The following ZHX3 variants were observed in gnomAD, a reference collection of about 807,000 sequenced individuals.
The protein encoded by ZHX3 is zinc fingers and homeoboxes protein 3.
In ZHX3, 20 loss-of-function variants were observed where a neutral mutation model predicts 64.5. The ratio of observed to expected loss-of-function variants is 0.31; its 90% CI spans 0.22 to 0.45. ZHX3 has a LOEUF of 0.45. Among genes scored for constraint, ZHX3 ranks in the 20% least tolerant of loss-of-function variants. The pLI is 1.00. For missense variants in ZHX3, 1,041 were observed against 1,195.8 expected (o/e 0.87, Z 1.91); for synonymous variants, 423 against 461.6 (o/e 0.92, Z 1.07).
chr20:41,211,019 A>G (rs1240706110), intron 2 of ZHX3, among the ~76,000 whole-genome samples: 1 of 152,174 alleles, frequency 6.6e-6, no homozygotes, highest in Admixed American at 6.5e-5. Flanking sequence ...TTGACTTCAC[A>G]CTTTTAAAAT....
rs1163240077 is a variant in ZHX3, at chr20:41,232,135, C to T, written c.-150-27069G>A. ...GAAAATGAGATTTATGGGTAATGGCCACAGAAACGAAGACAATTTTGCCTA... is the reference window on the plus strand; with the variant it reads ...GAAAATGAGATTTATGGGTAATGGCTACAGAAACGAAGACAATTTTGCCTA... On this transcript the variant is annotated intron_variant, in intron 2 of 3. Coordinates refer to ENST00000683867, the MANE Select transcript of ZHX3 (RefSeq NM_001384317.1). The surrounding 1 kb of genome is among the most constrained non-coding windows in gnomAD (Gnocchi z 5.0). Among the ~76,000 whole-genome samples the T allele has an allele frequency of 1.3e-5, 2 of 151,954 alleles. No homozygotes were observed. The highest frequency in any genetic ancestry group is 2.4e-5 in the African/African-American group (1 of 41,352).
At chr20:41,210,487 C>CA (rs1405406010) in intron 2 of ZHX3, among the ~76,000 whole-genome samples, 2 of 152,118 alleles carry the variant, frequency 1.3e-5, no homozygotes, top group Non-Finnish European at 1.5e-5. Context: ...GAAAATGTGG[C>CA]ACATATACAC....
At chr20:41,264,804 T>G (rs977482491) in intron 2 of ZHX3, among the ~76,000 whole-genome samples, 1 of 152,018 alleles carries the variant, frequency 6.6e-6, no homozygotes, top group Non-Finnish European at 1.5e-5. Flanking sequence ...GAATAGTAAA[T>G]AGAACCTAGA....
At position 41,302,046 on chromosome 20, in the gene ZHX3, T is replaced by A. The variant is rs1410889726; in HGVS notation, c.-245+15463A>T. On this transcript the variant is annotated intron_variant, in intron 1 of 3. Coordinates refer to ENST00000683867, the MANE Select transcript of ZHX3 (RefSeq NM_001384317.1). ...TCCAGCCTGGGCGACGGAGCGAGACTCCATCTCAAAAAAAAAAAAAAAAAA... is the reference window on the plus strand; with the variant it reads ...TCCAGCCTGGGCGACGGAGCGAGACACCATCTCAAAAAAAAAAAAAAAAAA... Among the ~76,000 whole-genome samples the A allele has an allele frequency of 1.0e-4, 9 of 87,434 alleles. No homozygotes were observed. In the Admixed American group the frequency reaches 1.4e-3, roughly 14 times the overall value. The allele number at this position is 87,434 out of a possible 152,430, so 57.4% of individuals were successfully genotyped here. A position where few individuals can be genotyped will look rare whatever the true frequency, so the allele number is the denominator to read the frequency against.
rs540223276 is a variant in ZHX3 at position 41,237,761 on chromosome 20, A to T, written c.-151+31229T>A. ...GTACCCTAAAACTTAAAGTATAATTAAAAAAATAAAATAAAATAAAGAAAA... is the reference window on the plus strand; with the variant it reads ...GTACCCTAAAACTTAAAGTATAATTTAAAAAATAAAATAAAATAAAGAAAA... On this transcript the variant is annotated intron_variant, in intron 2 of 3. Coordinates refer to ENST00000683867, the MANE Select transcript of ZHX3 (RefSeq NM_001384317.1). Among the ~76,000 whole-genome samples, 97 of 152,326 alleles carry T rather than the reference A, an allele frequency of 6.4e-4. 1 individual carries two copies. Among genetic ancestry groups the T allele is most frequent in the East Asian group, 4.8e-3 (25 of 5,192 alleles).
chr20:41,290,849 A>C (rs1178653208), intron 1 of ZHX3, among the ~76,000 whole-genome samples: 1 of 152,128 alleles, frequency 6.6e-6, no homozygotes, highest in Non-Finnish European at 1.5e-5. Flanking sequence ...GGACTCAGTT[A>C]ATTAGTTACC....
chr20:41,227,819 G>A (rs2040366073), intron 2 of ZHX3, among the ~76,000 whole-genome samples: 1 of 152,002 alleles, frequency 6.6e-6, no homozygotes, highest in Non-Finnish European at 1.5e-5. Flanking sequence ...TGACACACTT[G>A]GACAAGAAAA....
chr20:41,204,381 A>C lies in ZHX3; in HGVS notation c.536T>G (p.Ile179Ser). Reference protein sequence around the residue: ...SAEGADGQAEIIITKTPIMKI... With the variant: ...SAEGADGQAESIITKTPIMKI... ...CATGATTGGAGTTTTGGTAATGATG[A>C]TTTCTGCCTGTCCATCAGCCCCTTC... The change falls in exon 3 of 4, where the codon ATC becomes AGC. Residue 179 changes from isoleucine (I) to serine (S), a missense_variant. Physicochemically the swap from Ile to Ser is moderately radical, Grantham distance 142 (BLOSUM62 -2). Around this residue, in one of 4 missense-constraint regions of ZHX3, gnomAD observed 358 missense variants for 369.1 expected, o/e 0.97. Transcript: ENST00000683867. This position sits in a 1 kb window ranked among gnomAD's most constrained non-coding sequence, Gnocchi z 6.6. 1 of 1,614,054 alleles carries C rather than the reference A, an allele frequency of 6.2e-7. No individual in the cohort carries two copies. Among genetic ancestry groups the C allele is most frequent in the Non-Finnish European group, 8.5e-7 (1 of 1,180,016 alleles).
At chr20:41,288,918 G>A (rs760898700) in intron 1 of ZHX3, among the ~76,000 whole-genome samples, 5 of 151,916 alleles carry the variant, frequency 3.3e-5, no homozygotes, top group Non-Finnish European at 5.9e-5. Context: ...ATGTTACATT[G>A]AATAGACATA....
At chr20:41,191,897 G>C (rs967038162) in intron 3 of ZHX3, among the ~76,000 whole-genome samples, 1 of 152,234 alleles carries the variant, frequency 6.6e-6, no homozygotes, top group Non-Finnish European at 1.5e-5. Context: ...GCAGTGGACA[G>C]AGCATGCCTG....
chr20:41,214,922 T>C (rs1226182387), intron 2 of ZHX3, among the ~76,000 whole-genome samples: 1 of 152,192 alleles, frequency 6.6e-6, no homozygotes, highest in Non-Finnish European at 1.5e-5. Context: ...TGTACAATCC[T>C]TTACATGCCC....
chr20:41,192,816 C>T (rs1399245363), intron 3 of ZHX3, among the ~76,000 whole-genome samples: 1 of 152,224 alleles, frequency 6.6e-6, no homozygotes, highest in African/African-American at 2.4e-5. Context: ...CGTTCTGGAG[C>T]AGTTCCATTG....
chr20:41,315,205 C>A (rs2045251058), intron 1 of ZHX3, among the ~76,000 whole-genome samples: 2 of 152,120 alleles, frequency 1.3e-5, no homozygotes. Flanking sequence ...TTTTTTGAGA[C>A]AGAGTCTCGC....
rs1483225990 is a variant in ZHX3 at position 41,201,657 on chromosome 20, CTT to C, written c.2860+398_2860+399del. Reference sequence around the variant, plus strand: ...GTATCTAAGGACAATTAAAGGCTCTCTTTCCTTTTCATCAATTTGAGCTGAAT... The same window carrying C: ...GTATCTAAGGACAATTAAAGGCTCTCTCCTTTTCATCAATTTGAGCTGAAT... On this transcript the variant is annotated intron_variant, in intron 3 of 3. Coordinates refer to ENST00000683867, the MANE Select transcript of ZHX3 (RefSeq NM_001384317.1). The surrounding 1 kb of genome is among the most constrained non-coding windows in gnomAD (Gnocchi z 5.0). Among the ~76,000 whole-genome samples, 3 of 152,318 alleles carry C rather than the reference CTT, an allele frequency of 2.0e-5. No homozygotes were observed. The highest frequency in any genetic ancestry group is 1.3e-4 in the Admixed American group (2 of 15,304).
chr20:41,263,992 T>C lies in ZHX3; in HGVS notation c.-151+4998A>G, dbSNP rs1000291561. On this transcript the variant is annotated intron_variant, in intron 2 of 3. Transcript: ENST00000683867. ...CAGGACACAAAAAGAAGCAATAAAA[T>C]TGTAAGAGAATATGTGTGTTAATAA... 3.3e-5 allele frequency among the ~76,000 whole-genome samples: 5 copies of C among 152,042 alleles called. No homozygotes were observed. In the East Asian group the frequency reaches 5.8e-4, roughly 18 times the overall value.
At chr20:41,205,928 G>A (rs1006276082) in intron 2 of ZHX3, among the ~76,000 whole-genome samples, 3 of 152,188 alleles carry the variant, frequency 2.0e-5, no homozygotes, top group Non-Finnish European at 4.4e-5. Context: ...ATACAGCTGG[G>A]TGCCCCTCTG....
intron 2 of ZHX3, among the ~76,000 whole-genome samples, chr20:41,251,218 G>C (rs147971158): frequency 2.0e-5 from 3 of 151,980 alleles, no homozygotes. Context: ...GGCTAAAGCA[G>C]GAATATTGCT....
At position 41,185,124 on chromosome 20, in the gene ZHX3, G is replaced by A; in HGVS notation, c.*67C>T. The A allele has an allele frequency of 6.3e-7, 1 of 1,589,078 alleles. No homozygotes were observed. Among genetic ancestry groups the A allele is most frequent in the South Asian group, 1.1e-5 (1 of 87,942 alleles). On this transcript the variant is annotated 3_prime_UTR_variant, in exon 4 of 4. Transcript: ENST00000683867. This position sits in a 1 kb window ranked among gnomAD's most constrained non-coding sequence, Gnocchi z 5.0. ...ACGGCATGTGGCAGCAGAGAGTCGGGTTTGGCTCTTCCACGTGGCAGGCGG... is the reference window on the plus strand; with the variant it reads ...ACGGCATGTGGCAGCAGAGAGTCGGATTTGGCTCTTCCACGTGGCAGGCGG...
At chr20:41,243,032 C>A (rs1012084554) in intron 2 of ZHX3, among the ~76,000 whole-genome samples, 7 of 152,202 alleles carry the variant, frequency 4.6e-5, no homozygotes, top group Non-Finnish European at 7.3e-5. Flanking sequence ...CCTCAGCAGT[C>A]CCTTTACAAA....
Sources: gnomAD v4.1 joint callset for allele counts (sites outside exome capture counted in the v4.1 genomes callset) on GRCh38, gnomAD v4.1.1 for gene constraint, gnomAD v4.1.1 regional missense constraint, Gnocchi (gnomAD v3.1) non-coding constraint, MANE v1.5 for transcripts, NCBI Gene and HGNC (gene_info 2026-07-23, HGNC 2026-07-21) for gene names.